The following CAAP1 variants were observed in gnomAD, a reference collection of about 807,000 sequenced individuals.
The protein encoded by CAAP1 is caspase activity and apoptosis inhibitor 1.
In CAAP1, 20 loss-of-function variants were observed where a neutral mutation model predicts 34.0. The observed-to-expected ratio is 0.59, with a 90% CI of 0.41 to 0.86. CAAP1 has a LOEUF of 0.86. CAAP1 is among the 40% of genes least tolerant of loss of function. CAAP1 has a pLI of 0.00. For synonymous variants in CAAP1, 213 were observed against 166.7 expected, an observed-to-expected ratio of 1.28 and a Z score of -2.14; for missense variants, 538 against 450.5, an observed-to-expected ratio of 1.19 and a Z score of -1.76.
At chr9:26,857,190 C>T (rs1822889346) in intron 5 of CAAP1, among the ~76,000 whole-genome samples, 1 of 152,206 alleles carries the variant, frequency 6.6e-6, no homozygotes, top group Non-Finnish European at 1.5e-5. Context: ...AGGAAATTAA[C>T]ATAAGATCTG....
chr9:26,858,305 T>G (rs1226120266), intron 5 of CAAP1, among the ~76,000 whole-genome samples: 1 of 152,228 alleles, frequency 6.6e-6, no homozygotes, highest in Non-Finnish European at 1.5e-5. Flanking sequence ...ATAATCTTTA[T>G]TGAGCCTATC....
At chr9:26,844,127 G>T (rs1379926508) in intron 5 of CAAP1, among the ~76,000 whole-genome samples, 2 of 152,182 alleles carry the variant, frequency 1.3e-5, no homozygotes, top group East Asian at 3.8e-4. Context: ...GGAGGCTGAG[G>T]TGGGCAGATC....
At chr9:26,885,557 T>C (rs1459924276) in intron 3 of CAAP1, among the ~76,000 whole-genome samples, 2 of 152,006 alleles carry the variant, frequency 1.3e-5, no homozygotes, top group African/African-American at 2.4e-5. Context: ...TCTTCTTCTG[T>C]CATGTTAAAG....
At chr9:26,872,553 A>AATATATATATATAT (rs145299717) in intron 4 of CAAP1, among the ~76,000 whole-genome samples, 5 of 142,556 alleles carry the variant, frequency 3.5e-5, no homozygotes, top group African/African-American at 1.4e-4. Flanking sequence ...ATATACATAT[A>AATATATATATATAT]ATATATATAT....
intron 4 of CAAP1, 95 bp downstream of exon 4, chr9:26,884,715 T>C (rs1198646977): frequency 2.2e-6 from 2 of 911,848 alleles, no homozygotes; most frequent in Non-Finnish European, 3.5e-6. Context: ...ATTTTATAAA[T>C]AAAACACAGA....
intron 4 of CAAP1, among the ~76,000 whole-genome samples, chr9:26,878,751 G>C (rs941021015): frequency 6.6e-6 from 1 of 152,018 alleles, no homozygotes; most frequent in Non-Finnish European, 1.5e-5. Context: ...GGGAGACAGA[G>C]GCTTCAGTGA....
At position 26,892,665 on chromosome 9, in the gene CAAP1, C is replaced by A; in HGVS notation, c.51G>T (p.Gln17His). The change falls in exon 1 of 6, where the codon CAG (glutamine) becomes CAT (histidine). Residue 17 changes from glutamine (Q) to histidine (H), a missense_variant. Around this residue, in one of 3 missense-constraint regions of CAAP1, gnomAD observed 514 missense variants for 408.4 expected, o/e 1.26. Coordinates refer to ENST00000333916, the MANE Select transcript of CAAP1 (RefSeq NM_024828.4). ...GGGCCGCGAGCGCTGCGGCCGCCTC[C>A]TGACTGCTACGTTTGCGCCGTTTCT... is the stretch of plus-strand genomic sequence containing the variant. Reference protein sequence around the residue: ...SREKRRKRSSQEAAAALAAPD... With the variant: ...SREKRRKRSSHEAAAALAAPD... 1 of 1,606,898 alleles carries A rather than the reference C, an allele frequency of 6.2e-7. No homozygotes were observed.
intron 5 of CAAP1, among the ~76,000 whole-genome samples, chr9:26,844,668 C>T (rs1400460469): frequency 6.6e-6 from 1 of 152,134 alleles, no homozygotes; most frequent in South Asian, 2.1e-4. Flanking sequence ...TTAGAAGTGA[C>T]GTTGTGTACT....
At position 26,842,643 on chromosome 9, in the gene CAAP1, T is replaced by C. The variant is rs745958857; in HGVS notation, c.744A>G (p.Lys248=). 7 of 1,586,160 alleles carry C rather than the reference T, an allele frequency of 4.4e-6. No individual in the cohort carries two copies. Among genetic ancestry groups the C allele is most frequent in the Admixed American group, 1.8e-5 (1 of 54,854 alleles). Residue 248 remains lysine, a synonymous_variant, in exon 6 of 6, where the codon AAA becomes AAG. Transcript: ENST00000333916. ...QPEGLELKQG[K]GEDSDVLSIN... ...TACTGAGTACATCACTATCTTCCCC[T>C]TTTCCTGTAACCAAAAAAGGAGAAA... is the stretch of plus-strand genomic sequence containing the variant.
intron 5 of CAAP1, among the ~76,000 whole-genome samples, chr9:26,842,905 G>A (rs1383296736): frequency 1.3e-5 from 2 of 152,068 alleles, no homozygotes; most frequent in Non-Finnish European, 2.9e-5. Flanking sequence ...TCCATCATAT[G>A]CAGTACCCAT....
chr9:26,890,508 A>C (rs1341123259), intron 1 of CAAP1, among the ~76,000 whole-genome samples: 2 of 152,118 alleles, frequency 1.3e-5, no homozygotes, highest in African/African-American at 4.8e-5. Context: ...TCACTCTAAA[A>C]AACTCCACTA....
At chr9:26,851,620 G>A (rs781594643) in intron 5 of CAAP1, among the ~76,000 whole-genome samples, 4 of 152,116 alleles carry the variant, frequency 2.6e-5, no homozygotes, top group Non-Finnish European at 4.4e-5. Flanking sequence ...CTTTTGTTGA[G>A]TAATCTGAAA....
Position 26,842,326 on chromosome 9 carries a change from G to A in CAAP1, c.1061C>T (p.Ala354Val). The change falls in exon 6 of 6, where the codon GCT becomes GTT. Residue 354 changes from alanine (A) to valine (V), a missense_variant. Ala to Val is a moderately conservative substitution (Grantham distance 64). Around this residue, in one of 3 missense-constraint regions of CAAP1, gnomAD observed 18 missense variants for 22.3 expected, o/e 0.81. Transcript: ENST00000333916. ...CTAGGCTGGCTTTTTTATATCACCA[G>A]CTTTCATTAGGGCTTTAATCGCTCT... ...RARAIKALMK[A>V]GDIKKPA is the part of the protein sequence containing the mutation. 1.3e-6 allele frequency: 2 copies of A among 1,583,258 alleles called. No homozygotes were observed. The highest frequency in any genetic ancestry group is 1.2e-5 in the South Asian group (1 of 86,058).
intron 4 of CAAP1, among the ~76,000 whole-genome samples, chr9:26,873,432 A>G (rs542960307): frequency 8.5e-5 from 13 of 152,188 alleles, no homozygotes; most frequent in Non-Finnish European, 1.8e-4. Flanking sequence ...ATTCATAAAG[A>G]TATTTAGAGA....
intron 3 of CAAP1, 105 bp downstream of exon 3, chr9:26,885,999 A>G (rs1213603463): frequency 4.0e-6 from 2 of 493,952 alleles, no homozygotes; most frequent in Admixed American, 8.2e-5. Flanking sequence ...ACAACAACCC[A>G]ATAATGAAAT....
Position 26,892,499 on chromosome 9 carries a change from A to G in CAAP1, c.217T>C (p.Cys73Arg), listed in dbSNP as rs1038795524. Residue 73 changes from cysteine to arginine, a missense_variant, in exon 1 of 6, where the codon TGT becomes CGT. Physicochemically the swap from Cys to Arg is radical, Grantham distance 180. This residue lies in a region of CAAP1 where 514 missense variants were observed against 408.4 expected (regional missense o/e 1.26). Transcript: ENST00000333916. ...SVTGGGSGGS[C>R]WGGSSVERSE... ...CGCTCCACGCTGCTCCCGCCCCAACAGCTGCCGCCGCTCCCACCGCCGGTG... is the reference window on the plus strand; with the variant it reads ...CGCTCCACGCTGCTCCCGCCCCAACGGCTGCCGCCGCTCCCACCGCCGGTG... 5.7e-6 allele frequency: 9 copies of G among 1,566,374 alleles called. No individual in the cohort carries two copies. Among genetic ancestry groups the G allele is most frequent in the African/African-American group, 1.4e-5 (1 of 73,714 alleles).
intron 4 of CAAP1, 84 bp from the exon 5 acceptor site, chr9:26,861,223 G>A: frequency 1.1e-6 from 1 of 949,714 alleles, no homozygotes; most frequent in Non-Finnish European, 1.7e-6. Flanking sequence ...ATTAAGTTAG[G>A]CACTAGGGAA....
chr9:26,866,799 C>G (rs761431978), intron 4 of CAAP1, among the ~76,000 whole-genome samples: 2 of 152,130 alleles, frequency 1.3e-5, no homozygotes, highest in Non-Finnish European at 2.9e-5. Context: ...CAATAAAAAT[C>G]TATTATCTCT....
intron 4 of CAAP1, chr9:26,869,867 A>T: frequency 1.6e-6 from 1 of 637,864 alleles, no homozygotes; most frequent in Non-Finnish European, 1.9e-6. Flanking sequence ...TAAGTGATTA[A>T]GAGAAACTTC....
Sources: allele counts gnomAD v4.1 joint callset (sites outside exome capture counted in the v4.1 genomes callset), GRCh38; gene constraint gnomAD v4.1.1; regional missense constraint gnomAD v4.1.1; transcripts MANE v1.5; gene names NCBI Gene and HGNC (gene_info 2026-07-23, HGNC 2026-07-21).